Variants in HEATR1 observed in about 807,000 individuals in gnomAD.
The protein encoded by HEATR1 is HEAT repeat containing 1, also known as HEAT repeat-containing protein 1.
Under a neutral mutation model 248.2 loss-of-function variants are expected in HEATR1, and 77 were observed. The observed-to-expected ratio is 0.31, with a 90% CI of 0.26 to 0.37. The LOEUF is 0.37. HEATR1 is among the 10% of genes least tolerant of loss of function. The pLI is 1.00. For synonymous variants in HEATR1, 897 were observed against 923.1 expected (o/e 0.97, Z 0.51); for missense variants, 2,420 against 2,504.9 (o/e 0.97, Z 0.72).
chr1:236,592,682 A>G, intron 9 of HEATR1, 49 bp from the exon 10 acceptor site: 1 of 708,132 alleles, frequency 1.4e-6, no homozygotes, highest in Non-Finnish European at 2.5e-6. Flanking sequence ...GTTACTATTT[A>G]TTGAGTACCT....
At chr1:236,568,923 C>G in intron 29 of HEATR1, 73 bp downstream of exon 29, 5 of 958,354 alleles carry the variant, frequency 5.2e-6, no homozygotes, top group Non-Finnish European at 4.1e-6. Flanking sequence ...AAAAAAAAGG[C>G]TTTTAATGTC....
chr1:236,598,409 A>G (rs1480833074), intron 4 of HEATR1, among the ~76,000 whole-genome samples: 2 of 152,216 alleles, frequency 1.3e-5, no homozygotes, highest in African/African-American at 4.8e-5. Context: ...TGTACATGGT[A>G]TGTAATAGAT....
In HEATR1 at chr1:236,574,679, C is replaced by G. The variant is rs369436014; in HGVS notation, c.3309G>C (p.Gln1103His). 3.7e-6 allele frequency: 6 copies of G among 1,613,400 alleles called. No individual in the cohort carries two copies. Among genetic ancestry groups the G allele is most frequent in the South Asian group, 1.1e-5 (1 of 90,978 alleles). ...CACTGACCTTTTCAAGGGCTGTGAT[C>G]TGAATGGTTGGCATTCCCGCGTAAA... ...KELYAGMPTI[Q>H]ITALEKITKP... is the part of the protein sequence containing the mutation. The change falls in exon 23 of 45, where the codon CAG becomes CAC. Residue 1103 changes from glutamine (Q) to histidine (H), a missense_variant. Transcript: ENST00000366582.
intron 28 of HEATR1, 122 bp from the exon 29 acceptor site, chr1:236,569,246 G>A (rs1393304901): frequency 8.1e-5 from 56 of 691,122 alleles, no homozygotes; most frequent in South Asian, 2.2e-5. Context: ...TGTGATCACA[G>A]TTCACTGAAA....
chr1:236,558,537 G>T lies in HEATR1; in HGVS notation c.4912-8C>A, dbSNP rs773818105. On this transcript the variant is annotated splice_region_variant and splice_polypyrimidine_tract_variant and intron_variant, in intron 35 of 44. Transcript: ENST00000366582. The stretch of plus-strand genomic sequence containing the variant: ...TTTTAGGAAACGGGTAACCTGAAGG[G>T]GACAGCCAGAATCCCCAAATCATTA... 6.2e-7 allele frequency: 1 copy of T among 1,600,506 alleles called. No individual in the cohort carries two copies.
At chr1:236,600,461 C>A (rs1251177531) in intron 3 of HEATR1, among the ~76,000 whole-genome samples, 1 of 151,736 alleles carries the variant, frequency 6.6e-6, no homozygotes, top group South Asian at 2.1e-4. Flanking sequence ...GCCAACTGAT[C>A]CCTCTTCTGT....
intron 9 of HEATR1, among the ~76,000 whole-genome samples, chr1:236,593,727 TAAGAG>T (rs1664103860): frequency 6.6e-6 from 1 of 152,158 alleles, no homozygotes; most frequent in African/African-American, 2.4e-5. Flanking sequence ...GTCCATTTAC[TAAGAG>T]AAAACTTCAA....
At chr1:236,564,735 C>CCTG in intron 31 of HEATR1, 74 bp from the exon 32 acceptor site, 1 of 1,367,884 alleles carries the variant, frequency 7.3e-7, no homozygotes. Context: ...CAGATATAAC[C>CCTG]TTTCAAGTAA....
chr1:236,590,612 CTAAAGA>C lies in HEATR1; in HGVS notation c.1530+229_1530+234del, dbSNP rs1386362397. 3.3e-5 allele frequency among the ~76,000 whole-genome samples: 5 copies of C among 152,166 alleles called. No individual in the cohort carries two copies. In the South Asian group the frequency reaches 8.3e-4, roughly 25 times the overall value. On this transcript the variant is annotated intron_variant, in intron 12 of 44. Coordinates refer to ENST00000366582, the MANE Select transcript of HEATR1 (RefSeq NM_018072.6). The stretch of plus-strand genomic sequence containing the variant: ...TCTACAAATTCCAGTTTGAAAAACA[CTAAAGA>C]TAAACAACTGTCAATGTGGAAACAT...
intron 24 of HEATR1, among the ~76,000 whole-genome samples, chr1:236,573,409 T>G (rs764659448): frequency 6.6e-6 from 1 of 152,202 alleles, no homozygotes; most frequent in Non-Finnish European, 1.5e-5. Flanking sequence ...ATATCTCTTT[T>G]TATAAGGTTC....
intron 19 of HEATR1, among the ~76,000 whole-genome samples, 172 bp downstream of exon 19, chr1:236,582,564 G>A (rs190316940): frequency 1.1e-4 from 16 of 151,986 alleles, no homozygotes; most frequent in African/African-American, 3.9e-4. Flanking sequence ...CACCATGCCT[G>A]GCTAATTTTT....
chr1:236,564,789 T>C, intron 31 of HEATR1, 128 bp from the exon 32 acceptor site: 4 of 864,654 alleles, frequency 4.6e-6, no homozygotes, highest in South Asian at 2.0e-5. Context: ...AATGTGTTCA[T>C]CTATTACATC....
chr1:236,580,266 G>A (rs1663676837), intron 20 of HEATR1, among the ~76,000 whole-genome samples: 1 of 152,218 alleles, frequency 6.6e-6, no homozygotes, highest in South Asian at 2.1e-4. Context: ...TATGATTTAT[G>A]CCCGATAAAA....
intron 12 of HEATR1, among the ~76,000 whole-genome samples, chr1:236,589,160 A>G (rs997417819): frequency 1.5e-4 from 23 of 152,344 alleles, no homozygotes; most frequent in African/African-American, 5.3e-4. Flanking sequence ...CAGGAGAGAA[A>G]GGCAGTAAAA....
chr1:236,558,386 A>T lies in HEATR1; in HGVS notation c.5055T>A (p.Asn1685Lys), dbSNP rs745745797. ...TCAGCACTGGGACAAAAGGATCTGG[A>T]TTTTCTGCACCAAAATTCTTGCATA... is the stretch of plus-strand genomic sequence containing the variant. ...KLLCKNFGAE[N>K]PDPFVPVLNT... Residue 1685 changes from asparagine (N) to lysine (K), a missense_variant, in exon 36 of 45, where the codon AAT becomes AAA. Coordinates refer to ENST00000366582, the MANE Select transcript of HEATR1 (RefSeq NM_018072.6). 48 of 1,613,988 alleles carry T rather than the reference A, an allele frequency of 3.0e-5. No homozygotes were observed. The highest frequency in any genetic ancestry group is 3.9e-5 in the Non-Finnish European group (46 of 1,180,006).
Position 236,604,089 on chromosome 1 carries a change from A to C in HEATR1, c.7T>G (p.Ser3Ala). Residue 3 changes from serine to alanine, a missense_variant, in exon 2 of 45, where the codon TCC becomes GCC. Transcript: ENST00000366582. MT[S>A]LAQQLQRLAL... is the part of the protein sequence containing the mutation. ...AGTCGTTGCAGCTGCTGGGCTAAGG[A>C]CGTCATCTTTCACGCCAGCGGAGTT... 6.4e-7 allele frequency: 1 copy of C among 1,560,184 alleles called. No homozygotes were observed. The highest frequency in any genetic ancestry group is 8.6e-7 in the Non-Finnish European group (1 of 1,161,160).
At chr1:236,577,296 T>C (rs967213404) in intron 20 of HEATR1, among the ~76,000 whole-genome samples, 2 of 145,702 alleles carry the variant, frequency 1.4e-5, no homozygotes, top group Admixed American at 6.8e-5. Context: ...GGATTACAGG[T>C]GCACGCCACA....
At chr1:236,581,809 A>T (rs1292959778) in intron 19 of HEATR1, among the ~76,000 whole-genome samples, 1 of 152,192 alleles carries the variant, frequency 6.6e-6, no homozygotes, top group African/African-American at 2.4e-5. Flanking sequence ...CTGGGGATGA[A>T]ATTTCCTGAG....
At position 236,558,086 on chromosome 1, in the gene HEATR1, G is replaced by A. The variant is rs1265874006; in HGVS notation, c.5204+151C>T. On this transcript the variant is annotated intron_variant, in intron 36 of 44. Transcript: ENST00000366582. ...CCCAAAGTGGTGGGATCACAGCCGT[G>A]AGCCACCACACCCTGCAAGATCAAT... 1.8e-5 allele frequency: 15 copies of A among 855,948 alleles called. No homozygotes were observed. The East Asian group carries it at 2.1e-4, about 12-fold the overall frequency. 53.0% of individuals were successfully genotyped at this position (855,948 alleles called of 1,614,324 possible).
Sources: allele counts gnomAD v4.1 joint callset (sites outside exome capture counted in the v4.1 genomes callset), GRCh38; gene constraint gnomAD v4.1.1; transcripts MANE v1.5; gene names NCBI Gene and HGNC (gene_info 2026-07-23, HGNC 2026-07-21).